Variants in PTPRD observed in about 807,000 individuals in gnomAD.
The protein encoded by PTPRD is protein tyrosine phosphatase receptor type D.
Under a neutral mutation model 214.5 loss-of-function variants are expected in PTPRD, and 34 were observed. The observed-to-expected ratio is 0.16, with a 90% CI of 0.12 to 0.21. PTPRD has a LOEUF of 0.21. Ranked by LOEUF, PTPRD falls within the 10% of genes least tolerant of loss-of-function variation. The probability of loss-of-function intolerance (pLI) is 1.00; values close to 1 mark genes in which losing one functional copy is unlikely to be tolerated. For synonymous variants in PTPRD, 1,128 were observed against 845.7 expected (o/e 1.33, Z -5.79); for missense variants, 2,545 against 2,398.7 (o/e 1.06, Z -1.27).
intron 2 of PTPRD, among the ~76,000 whole-genome samples, chr9:10,482,277 A>C (rs1487340816): frequency 1.3e-5 from 2 of 152,032 alleles, no homozygotes; most frequent in Non-Finnish European, 2.9e-5. Context: ...AGGCTGAGGC[A>C]GGAGAATGGC....
At position 8,532,742 on chromosome 9, in the gene PTPRD, T is replaced by A. The variant is rs904370824; in HGVS notation, c.353-3963A>T. 4.5e-4 allele frequency among the ~76,000 whole-genome samples: 68 copies of A among 151,984 alleles called. 1 individual carries two copies. The highest frequency in any genetic ancestry group is 1.9e-4 in the Non-Finnish European group (13 of 67,942). On this transcript the variant is annotated intron_variant, in intron 14 of 45. Transcript: ENST00000381196. ...TTGTTCTGTCATTTTGAGAGGCCAT[T>A]AAAGGGCAGATTACTACATACTTGT...
intron 11 of PTPRD, among the ~76,000 whole-genome samples, chr9:8,824,036 T>C (rs1001372436): frequency 2.6e-5 from 4 of 152,100 alleles, no homozygotes; most frequent in Admixed American, 1.3e-4. Flanking sequence ...CTGGTGGGAG[T>C]GTAGCAGTGA....
intron 12 of PTPRD, among the ~76,000 whole-genome samples, chr9:8,665,534 C>T (rs1317484740): frequency 6.6e-6 from 1 of 152,206 alleles, no homozygotes; most frequent in Non-Finnish European, 1.5e-5. Flanking sequence ...TGTTAAGTCA[C>T]TTACCCTAAT....
At chr9:8,618,906 GTTTTTTT>G (rs1564757911) in intron 14 of PTPRD, among the ~76,000 whole-genome samples, 196 of 96,838 alleles carry the variant, frequency 2.0e-3, no homozygotes, top group African/African-American at 7.3e-3. Context: ...GTTTGTCTGT[GTTTTTTT>G]GTTTTTTTTT....
intron 11 of PTPRD, among the ~76,000 whole-genome samples, chr9:8,849,073 T>G (rs1391013193): frequency 7.2e-5 from 11 of 152,122 alleles, no homozygotes; most frequent in Non-Finnish European, 1.5e-4. Flanking sequence ...GGAATTTTAA[T>G]TTTTACCTAT....
chr9:10,144,185 T>A (rs921498413), intron 3 of PTPRD, among the ~76,000 whole-genome samples: 1 of 152,132 alleles, frequency 6.6e-6, no homozygotes, highest in African/African-American at 2.4e-5. Context: ...TTTTAACAAT[T>A]CTTAAGAAAC....
chr9:9,711,737 C>T (rs1288623567), intron 7 of PTPRD, among the ~76,000 whole-genome samples: 1 of 152,110 alleles, frequency 6.6e-6, no homozygotes, highest in East Asian at 1.9e-4. Flanking sequence ...CACTGCTAAG[C>T]GTTCTGTAAT....
intron 5 of PTPRD, among the ~76,000 whole-genome samples, chr9:9,862,492 T>A (rs2062990641): frequency 6.6e-6 from 1 of 151,656 alleles, no homozygotes; most frequent in South Asian, 2.1e-4. Context: ...TAGGGAGAGG[T>A]TTCTCAAAGC....
chr9:8,710,792 T>C (rs900637769), intron 12 of PTPRD, among the ~76,000 whole-genome samples: 1 of 152,202 alleles, frequency 6.6e-6, no homozygotes, highest in Non-Finnish European at 1.5e-5. Context: ...AAAGACTTTA[T>C]TTCTGAGAAC....
At chr9:10,299,109 T>C (rs113267230) in intron 3 of PTPRD, among the ~76,000 whole-genome samples, 2 of 152,280 alleles carry the variant, frequency 1.3e-5, no homozygotes, top group African/African-American at 4.8e-5. Flanking sequence ...TTTTCTGGGA[T>C]TACTATTTTA....
intron 11 of PTPRD, among the ~76,000 whole-genome samples, chr9:8,936,427 C>CAAAAAAAG (rs2098997691): frequency 3.2e-5 from 1 of 31,640 alleles, no homozygotes; most frequent in Non-Finnish European, 5.2e-5. Context: ...ACCCTGCCTC[C>CAAAAAAAG]AAAAAAAAAA....
chr9:10,282,864 C>T (rs1269906003), intron 3 of PTPRD, among the ~76,000 whole-genome samples: 2 of 152,134 alleles, frequency 1.3e-5, no homozygotes, highest in Non-Finnish European at 2.9e-5. Context: ...TACCCTGATA[C>T]ACGTGTACCT....
chr9:10,053,454 G>A (rs914898670), intron 3 of PTPRD, among the ~76,000 whole-genome samples: 6 of 152,090 alleles, frequency 3.9e-5, no homozygotes, highest in Admixed American at 6.6e-5. Context: ...CATGAGGAAC[G>A]TGAAATGTGA....
intron 3 of PTPRD, among the ~76,000 whole-genome samples, chr9:10,129,012 A>G (rs979561642): frequency 1.3e-5 from 2 of 152,176 alleles, no homozygotes; most frequent in African/African-American, 4.8e-5. Flanking sequence ...ATACACAAAG[A>G]TTAGTTTTAC....
chr9:10,029,259 T>G (rs1019559736), intron 4 of PTPRD, among the ~76,000 whole-genome samples: 3 of 152,054 alleles, frequency 2.0e-5, no homozygotes, highest in Non-Finnish European at 4.4e-5. Flanking sequence ...TAGGGCAGTG[T>G]GGAAGGGAAA....
At chr9:8,577,814 GA>G in intron 14 of PTPRD, among the ~76,000 whole-genome samples, 1 of 152,228 alleles carries the variant, frequency 6.6e-6, no homozygotes, top group Non-Finnish European at 1.5e-5. Context: ...CCCTACTCAA[GA>G]CCCGCTGAAT....
chr9:8,742,807 T>C (rs1255544045), intron 11 of PTPRD, among the ~76,000 whole-genome samples: 1 of 152,082 alleles, frequency 6.6e-6, no homozygotes, highest in African/African-American at 2.4e-5. Context: ...GCCTCGCAGG[T>C]GTAATATTTA....
chr9:8,395,904 TA>T (rs1249462379), intron 36 of PTPRD, among the ~76,000 whole-genome samples: 1 of 152,058 alleles, frequency 6.6e-6, no homozygotes, highest in Non-Finnish European at 1.5e-5. Flanking sequence ...GCACCTGTGA[TA>T]GAGGGGCGTG....
At chr9:9,489,305 G>GA (rs2095800137) in intron 8 of PTPRD, among the ~76,000 whole-genome samples, 1 of 152,142 alleles carries the variant, frequency 6.6e-6, no homozygotes, top group African/African-American at 2.4e-5. Flanking sequence ...GTGGAAAAGA[G>GA]AATCTGAGTT....
Sources: gnomAD v4.1 joint callset for allele counts (sites outside exome capture counted in the v4.1 genomes callset) on GRCh38, gnomAD v4.1.1 for gene constraint, MANE v1.5 for transcripts, NCBI Gene and HGNC (gene_info 2026-07-23, HGNC 2026-07-21) for gene names.